Variants in MCTP1 observed in about 807,000 individuals in gnomAD.
The protein encoded by MCTP1 is multiple C2 and transmembrane domain containing 1.
Under a neutral mutation model 120.6 loss-of-function variants are expected in MCTP1, and 69 were observed. That is an observed-to-expected ratio of 0.57 (90% confidence interval 0.47 to 0.70). The LOEUF is 0.70. Among genes scored for constraint, MCTP1 ranks in the 30% least tolerant of loss-of-function variants. The pLI is 0.00. For synonymous variants in MCTP1, 529 were observed against 493.1 expected, an observed-to-expected ratio of 1.07 and a Z score of -0.96; for missense variants, 1,203 against 1,248.8, an observed-to-expected ratio of 0.96 and a Z score of 0.55.
chr5:94,731,753 C>T (rs1489323846), intron 19 of MCTP1, among the ~76,000 whole-genome samples: 1 of 152,126 alleles, frequency 6.6e-6, no homozygotes, highest in Non-Finnish European at 1.5e-5. Flanking sequence ...TGTAGAAATA[C>T]AAATAGAAAT....
rs2152515342 is a variant in MCTP1 at position 94,706,972 on chromosome 5, G to A, written c.*524C>T. 6.6e-6 allele frequency: 1 copy of A among 151,932 alleles called. No individual in the cohort carries two copies. The highest frequency in any genetic ancestry group is 6.6e-5 in the Admixed American group (1 of 15,202). 9.4% of individuals were successfully genotyped at this position (151,932 alleles called of 1,614,324 possible). A position where few individuals can be genotyped will look rare whatever the true frequency, so the allele number is the denominator to read the frequency against. ...TAATTTGCACAGGAGTGAATGTCGG[G>A]ATCTAAAGCCAGAATATATGTTAAA... is the stretch of plus-strand genomic sequence containing the variant. On this transcript the variant is annotated 3_prime_UTR_variant, in exon 23 of 23. Transcript: ENST00000515393.
chr5:95,043,045 A>G (rs1166128180), intron 1 of MCTP1, among the ~76,000 whole-genome samples: 1 of 152,084 alleles, frequency 6.6e-6, no homozygotes, highest in Non-Finnish European at 1.5e-5. Flanking sequence ...TATGTTTTCA[A>G]TTTTGAGAGA....
At chr5:95,238,484 T>C (rs917458295) in intron 1 of MCTP1, among the ~76,000 whole-genome samples, 2 of 152,176 alleles carry the variant, frequency 1.3e-5, no homozygotes, top group Non-Finnish European at 2.9e-5. Context: ...ACCTCATTGT[T>C]ACTCCTAAAC....
intron 19 of MCTP1, among the ~76,000 whole-genome samples, chr5:94,733,955 CTCTG>C (rs1257170893): frequency 1.4e-5 from 2 of 145,222 alleles, no homozygotes; most frequent in Admixed American, 7.1e-5. Flanking sequence ...CATAGCAAGA[CTCTG>C]TCTGAAAAAA....
intron 1 of MCTP1, among the ~76,000 whole-genome samples, chr5:95,043,730 G>T (rs1250354055): frequency 6.6e-6 from 1 of 152,118 alleles, no homozygotes; most frequent in Admixed American, 6.6e-5. Context: ...CCCGTGAACT[G>T]CCTGGGCATA....
At chr5:95,068,547 T>A (rs1224315041) in intron 1 of MCTP1, among the ~76,000 whole-genome samples, 1 of 152,206 alleles carries the variant, frequency 6.6e-6, no homozygotes, top group Non-Finnish European at 1.5e-5. Context: ...TTTTCTATAG[T>A]GTCTAACACT....
rs1554147781 is a variant in MCTP1, at chr5:94,947,603, G to GAGAGAGAGAC, written c.982-5177_982-5176insGTCTCTCTCT. Among the ~76,000 whole-genome samples the GAGAGAGAGAC allele has an allele frequency of 3.2e-4, 33 of 104,480 alleles. 1 individual carries two copies. The highest frequency in any genetic ancestry group is 1.3e-3 in the East Asian group (5 of 3,978). The allele number at this position is 104,480 out of a possible 152,430, so 68.5% of individuals were successfully genotyped here. On this transcript the variant is annotated intron_variant, in intron 3 of 22. Transcript: ENST00000515393. ...AGAGAGAGAGAGAGAGAGAGAGAGA[G>GAGAGAGAGAC]AGAGAGAGAGAGAGAGAGAAAGAGA...
intron 1 of MCTP1, among the ~76,000 whole-genome samples, chr5:95,272,940 A>G (rs1759524745): frequency 1.3e-5 from 2 of 152,256 alleles, no homozygotes; most frequent in Admixed American, 6.5e-5. Context: ...AGTCACAATC[A>G]CAGCCAAACC....
chr5:95,270,128 G>T (rs464158), intron 1 of MCTP1, among the ~76,000 whole-genome samples: 130,302 of 151,766 alleles, frequency 0.86, 56,065 homozygotes, highest in African/African-American at 0.92. Context: ...TAGGGTGCCT[G>T]GTAAGGAATA....
intron 17 of MCTP1, among the ~76,000 whole-genome samples, chr5:94,832,344 T>C (rs2153165082): frequency 6.6e-6 from 1 of 152,276 alleles, no homozygotes; most frequent in East Asian, 1.9e-4. Context: ...CTTTCTTCAA[T>C]GTAAGAAAAG....
intron 17 of MCTP1, among the ~76,000 whole-genome samples, chr5:94,833,662 T>C (rs1030653724): frequency 4.6e-5 from 7 of 152,196 alleles, no homozygotes; most frequent in Non-Finnish European, 1.0e-4. Flanking sequence ...TCAAAACTTT[T>C]CTCTCTGGAG....
intron 1 of MCTP1, among the ~76,000 whole-genome samples, chr5:95,232,250 G>A (rs1347518543): frequency 6.9e-6 from 1 of 145,688 alleles, no homozygotes; most frequent in Non-Finnish European, 1.5e-5. Context: ...AAAGAAGACA[G>A]ATACAAAGGA....
chr5:94,794,485 C>A (rs1779613055), intron 18 of MCTP1, among the ~76,000 whole-genome samples: 1 of 152,200 alleles, frequency 6.6e-6, no homozygotes, highest in Non-Finnish European at 1.5e-5. Flanking sequence ...GGATTCTATG[C>A]AAGGCCCTGG....
intron 1 of MCTP1, among the ~76,000 whole-genome samples, chr5:95,114,944 G>C (rs1757709000): frequency 6.6e-6 from 1 of 152,202 alleles, no homozygotes; most frequent in African/African-American, 2.4e-5. Context: ...CAGAGAAACT[G>C]TTTGGAGAAA....
intron 6 of MCTP1, chr5:94,931,528 A>G (rs1814678946): frequency 6.4e-6 from 1 of 157,358 alleles, no homozygotes. Flanking sequence ...TGTATACTAT[A>G]AAGATGTAAT....
intron 1 of MCTP1, among the ~76,000 whole-genome samples, chr5:95,168,129 T>C (rs1245665852): frequency 8.6e-5 from 13 of 151,714 alleles, no homozygotes; most frequent in Middle Eastern, 3.4e-3. Flanking sequence ...GCCAGTTTTC[T>C]CAGCACCATT....
chr5:94,871,420 G>A lies in MCTP1; in HGVS notation c.2037-3C>T. 1 of 1,584,792 alleles carries A rather than the reference G, an allele frequency of 6.3e-7. No homozygotes were observed. Among genetic ancestry groups the A allele is most frequent in the Non-Finnish European group, 8.7e-7 (1 of 1,154,100 alleles). ...CTGAATGGATATCTTTAATGTTGCT[G>A]CATAATAAATATATGTAAGAAAAAA... On this transcript the variant is annotated splice_region_variant and splice_polypyrimidine_tract_variant and intron_variant, in intron 13 of 22. Transcript: ENST00000515393.
intron 17 of MCTP1, among the ~76,000 whole-genome samples, chr5:94,842,187 A>C (rs1791211082): frequency 6.6e-6 from 1 of 152,236 alleles, no homozygotes; most frequent in Non-Finnish European, 1.5e-5. Context: ...ATGTGAGAGG[A>C]AAGAAGAGGA....
chr5:95,234,617 T>C (rs1047062668), intron 1 of MCTP1, among the ~76,000 whole-genome samples: 1 of 152,174 alleles, frequency 6.6e-6, no homozygotes, highest in African/African-American at 2.4e-5. Context: ...TCTACTTCTG[T>C]GATAACATGA....
Sources: allele counts gnomAD v4.1 joint callset (sites outside exome capture counted in the v4.1 genomes callset), GRCh38; gene constraint gnomAD v4.1.1; transcripts MANE v1.5; gene names NCBI Gene and HGNC (gene_info 2026-07-23, HGNC 2026-07-21).